GPC6: variants seen among roughly 807,000 people sequenced by gnomAD.
GPC6 encodes the protein glypican-6.
GPC6 carries 14 observed loss-of-function variants against 55.2 expected under a neutral mutation model. The observed-to-expected ratio is 0.25, with a 90% confidence interval of 0.17 to 0.40. The LOEUF is 0.40. Ranked by LOEUF, GPC6 falls within the 10% of genes least tolerant of loss-of-function variation. The pLI is 1.00. For synonymous variants in GPC6, 278 were observed against 259.6 expected, an observed-to-expected ratio of 1.07 and a Z score of -0.68; for missense variants, 641 against 708.5, an observed-to-expected ratio of 0.90 and a Z score of 1.08.
At chr13:93,278,303 C>T (rs1276743030) in intron 1 of GPC6, among the ~76,000 whole-genome samples, 2 of 151,950 alleles carry the variant, frequency 1.3e-5, no homozygotes, top group African/African-American at 4.8e-5. Flanking sequence ...ATTAAATTTG[C>T]CATCTTAACC....
In GPC6 at chr13:93,271,808, T is replaced by C. The variant is rs533320386; in HGVS notation, c.160+44192T>C. Among the ~76,000 whole-genome samples the C allele has an allele frequency of 3.3e-3, 507 of 152,290 alleles. 2 individuals are homozygous for C. The highest frequency in any genetic ancestry group is 0.012 in the African/African-American group (492 of 41,566). ...CCAAGTGATGTTTTATAATGAGAAA[T>C]AGTAATACTTGGTAGACAAAGAACT... On this transcript the variant is annotated intron_variant, in intron 1 of 8. Coordinates refer to ENST00000377047, the MANE Select transcript of GPC6 (RefSeq NM_005708.5).
chr13:93,781,219 T>A (rs1246091062), intron 2 of GPC6, among the ~76,000 whole-genome samples: 1 of 148,984 alleles, frequency 6.7e-6, no homozygotes, highest in East Asian at 2.0e-4. Flanking sequence ...GAGGTTGCAG[T>A]AAGCCGAGAT....
chr13:93,821,965 T>C (rs1479545354), intron 2 of GPC6, among the ~76,000 whole-genome samples: 2 of 152,174 alleles, frequency 1.3e-5, no homozygotes, highest in East Asian at 3.9e-4. Flanking sequence ...ATGTAATTTG[T>C]CAGGGATATG....
intron 1 of GPC6, among the ~76,000 whole-genome samples, chr13:93,442,489 C>CTAT: frequency 6.6e-6 from 1 of 152,124 alleles, no homozygotes; most frequent in Admixed American, 6.5e-5. Flanking sequence ...AATTTTATAT[C>CTAT]ATCCTTCTAC....
At chr13:94,300,245 A>G (rs1340403925) in intron 5 of GPC6, among the ~76,000 whole-genome samples, 4 of 152,212 alleles carry the variant, frequency 2.6e-5, no homozygotes, top group Admixed American at 2.0e-4. Context: ...TGTATAATCA[A>G]GCTGCAAAAG....
At chr13:93,675,602 T>C (rs750171383) in intron 2 of GPC6, among the ~76,000 whole-genome samples, 37 of 152,186 alleles carry the variant, frequency 2.4e-4, no homozygotes, top group Non-Finnish European at 4.6e-4. Context: ...TTTGCATACA[T>C]TTTAGTTCAT....
intron 1 of GPC6, among the ~76,000 whole-genome samples, chr13:93,479,948 T>A (rs1340976825): frequency 6.6e-6 from 1 of 152,184 alleles, no homozygotes; most frequent in Non-Finnish European, 1.5e-5. Flanking sequence ...GACATGCATA[T>A]AGAGGGGAAT....
At chr13:94,373,928 G>T (rs1879710912) in intron 6 of GPC6, among the ~76,000 whole-genome samples, 1 of 152,150 alleles carries the variant, frequency 6.6e-6, no homozygotes, top group African/African-American at 2.4e-5. Context: ...TTAAACAAAA[G>T]AATTTTCAAC....
intron 2 of GPC6, among the ~76,000 whole-genome samples, chr13:93,654,332 T>C (rs1162805199): frequency 6.6e-6 from 1 of 151,768 alleles, no homozygotes; most frequent in Non-Finnish European, 1.5e-5. Context: ...TGGCTCACTA[T>C]TATTACTATT....
chr13:93,752,378 T>C (rs866482481), intron 2 of GPC6, among the ~76,000 whole-genome samples: 17 of 151,686 alleles, frequency 1.1e-4, no homozygotes, highest in African/African-American at 3.6e-4. Flanking sequence ...TCAAATTATA[T>C]GTCAGGCAAA....
chr13:93,255,185 AT>A (rs1360167065), intron 1 of GPC6, among the ~76,000 whole-genome samples: 1 of 152,108 alleles, frequency 6.6e-6, no homozygotes, highest in Non-Finnish European at 1.5e-5. Context: ...ATTACCCCAG[AT>A]TTTTTTCTTC....
intron 6 of GPC6, among the ~76,000 whole-genome samples, chr13:94,332,429 G>A (rs1877473609): frequency 6.6e-6 from 1 of 152,218 alleles, no homozygotes; most frequent in Admixed American, 6.5e-5. Flanking sequence ...GGGTCTGACG[G>A]ATTGCTCAAA....
intron 3 of GPC6, among the ~76,000 whole-genome samples, chr13:93,870,812 G>T (rs1033093015): frequency 1.3e-5 from 2 of 151,856 alleles, no homozygotes; most frequent in African/African-American, 4.8e-5. Flanking sequence ...ATGAGACGGG[G>T]TTTTGCCATG....
At chr13:93,562,660 C>A (rs1381722491) in intron 2 of GPC6, among the ~76,000 whole-genome samples, 1 of 152,020 alleles carries the variant, frequency 6.6e-6, no homozygotes, top group Non-Finnish European at 1.5e-5. Flanking sequence ...CCTTTGTTTC[C>A]TTGGTTCATT....
intron 4 of GPC6, among the ~76,000 whole-genome samples, chr13:94,163,059 T>C (rs923423196): frequency 3.3e-5 from 5 of 152,188 alleles, no homozygotes; most frequent in African/African-American, 1.2e-4. Context: ...TCCAAATAAA[T>C]TTAAGATGAT....
At chr13:94,103,236 A>G (rs9516351) in intron 4 of GPC6, among the ~76,000 whole-genome samples, 20,055 of 152,188 alleles carry the variant, frequency 0.13, 1,624 homozygotes, top group East Asian at 0.33. Flanking sequence ...TTATGGCTGC[A>G]TAGTATTCCA....
At chr13:93,465,943 A>C (rs758559302) in intron 1 of GPC6, among the ~76,000 whole-genome samples, 10 of 152,170 alleles carry the variant, frequency 6.6e-5, no homozygotes, top group Non-Finnish European at 1.3e-4. Context: ...GTGTTTCAGG[A>C]AACAGGAAGG....
intron 4 of GPC6, among the ~76,000 whole-genome samples, chr13:94,135,121 T>C (rs911743931): frequency 2.0e-5 from 3 of 152,140 alleles, no homozygotes; most frequent in Non-Finnish European, 4.4e-5. Flanking sequence ...ACATAGTACT[T>C]ATCTAGCTGA....
chr13:93,389,712 T>G (rs1875544464), intron 1 of GPC6, among the ~76,000 whole-genome samples: 1 of 152,144 alleles, frequency 6.6e-6, no homozygotes, highest in Non-Finnish European at 1.5e-5. Flanking sequence ...ACTATATCTA[T>G]TTTTCCTTTT....
Sources: gnomAD v4.1 joint callset for allele counts (sites outside exome capture counted in the v4.1 genomes callset) on GRCh38, gnomAD v4.1.1 for gene constraint, MANE v1.5 for transcripts, NCBI Gene and HGNC (gene_info 2026-07-23, HGNC 2026-07-21) for gene names.